Variants in FGF7 observed in about 807,000 individuals in gnomAD.
FGF7 encodes the protein fibroblast growth factor 7, also known as FGF-7.
Under a neutral mutation model 20.5 loss-of-function variants are expected in FGF7, and 6 were observed. The ratio of observed to expected loss-of-function variants is 0.29; its 90% confidence interval spans 0.16 to 0.58. The LOEUF is 0.58. FGF7 is among the 20% of genes least tolerant of loss of function. The pLI is 0.90. For synonymous variants in FGF7, 64 were observed against 74.7 expected (o/e 0.86, Z 0.74); for missense variants, 144 against 228.8 (o/e 0.63, Z 2.39).
intron 2 of FGF7, among the ~76,000 whole-genome samples, chr15:49,478,847 A>T (rs1338188274): frequency 6.6e-6 from 1 of 152,184 alleles, no homozygotes; most frequent in Non-Finnish European, 1.5e-5. Flanking sequence ...CAAATAGGAA[A>T]GTTAAAGCAC....
chr15:49,451,995 A>G (rs1327648743), intron 2 of FGF7, among the ~76,000 whole-genome samples: 2 of 152,106 alleles, frequency 1.3e-5, no homozygotes, highest in Non-Finnish European at 2.9e-5. Flanking sequence ...TCAATATGAT[A>G]TCTTATATCA....
intron 2 of FGF7, among the ~76,000 whole-genome samples, chr15:49,478,988 C>A (rs909346315): frequency 6.6e-6 from 1 of 152,062 alleles, no homozygotes; most frequent in Non-Finnish European, 1.5e-5. Context: ...CAATTTAGAT[C>A]AAAGTTTCCC....
At chr15:49,479,707 A>G (rs1016287940) in intron 2 of FGF7, among the ~76,000 whole-genome samples, 7 of 139,544 alleles carry the variant, frequency 5.0e-5, no homozygotes, top group Admixed American at 4.8e-4. Flanking sequence ...TCCGCCTCCC[A>G]GGTTCAAATG....
intron 2 of FGF7, among the ~76,000 whole-genome samples, chr15:49,470,974 CA>C (rs2054687302): frequency 1.3e-5 from 2 of 152,158 alleles, no homozygotes; most frequent in Non-Finnish European, 2.9e-5. Context: ...GTGTTTGTTC[CA>C]CATCTTGTGC....
chr15:49,435,744 T>G (rs1033883488), intron 2 of FGF7, among the ~76,000 whole-genome samples: 5 of 151,466 alleles, frequency 3.3e-5, no homozygotes, highest in Admixed American at 3.3e-4. Flanking sequence ...AATTTAAAAT[T>G]TATGATGTTT....
chr15:49,426,857 A>G (rs2050174973), intron 2 of FGF7, among the ~76,000 whole-genome samples: 1 of 151,990 alleles, frequency 6.6e-6, no homozygotes, highest in Non-Finnish European at 1.5e-5. Context: ...TATATGGTAT[A>G]CTTTCTTGAT....
At chr15:49,450,632 A>AAG (rs1168360480) in intron 2 of FGF7, among the ~76,000 whole-genome samples, 1 of 152,186 alleles carries the variant, frequency 6.6e-6, no homozygotes, top group Non-Finnish European at 1.5e-5. Flanking sequence ...TGCAGCCAGC[A>AAG]AGAGTCTGGA....
At chr15:49,429,845 C>T (rs2050439628) in intron 2 of FGF7, among the ~76,000 whole-genome samples, 2 of 151,846 alleles carry the variant, frequency 1.3e-5, no homozygotes, top group South Asian at 4.1e-4. Context: ...GTCAGAATCT[C>T]ACAAAGGTGG....
At chr15:49,466,844 C>T (rs1202760258) in intron 2 of FGF7, among the ~76,000 whole-genome samples, 1 of 152,042 alleles carries the variant, frequency 6.6e-6, no homozygotes, top group Admixed American at 6.6e-5. Context: ...TTATTTCTGC[C>T]TCTTTTTCCT....
chr15:49,432,352 G>A (rs1449425830), intron 2 of FGF7, among the ~76,000 whole-genome samples: 1 of 151,560 alleles, frequency 6.6e-6, no homozygotes, highest in Non-Finnish European at 1.5e-5. Flanking sequence ...TAACTAACCT[G>A]CTGAGAAATA....
intron 2 of FGF7, among the ~76,000 whole-genome samples, chr15:49,432,485 A>G (rs1350112414): frequency 4.6e-5 from 7 of 151,700 alleles, no homozygotes; most frequent in African/African-American, 1.7e-4. Context: ...TTATTTGACA[A>G]CATAACACTC....
At position 49,487,623 on chromosome 15, in the gene FGF7, A is replaced by G. The variant is rs1422071668; in HGVS notation, c.*3119A>G. 1 of 151,906 alleles carries G rather than the reference A, an allele frequency of 6.6e-6. No homozygotes were observed. The highest frequency in any genetic ancestry group is 1.5e-5 in the Non-Finnish European group (1 of 67,896). The allele number at this position is 151,906 out of a possible 1,614,324, so 9.4% of individuals were successfully genotyped here. On this transcript the variant is annotated 3_prime_UTR_variant, in exon 4 of 4. Coordinates refer to ENST00000267843, the MANE Select transcript of FGF7 (RefSeq NM_002009.4). ...ACCTAGCTGTAGTAAAAGCAATCCT[A>G]TAACAAGAAAAACTCTAAAACAGTG...
chr15:49,457,882 C>A (rs77995451), intron 2 of FGF7, among the ~76,000 whole-genome samples: 1 of 151,848 alleles, frequency 6.6e-6, no homozygotes, highest in Non-Finnish European at 1.5e-5. Flanking sequence ...TGAATCTAAT[C>A]ATTTTTGTGC....
intron 2 of FGF7, among the ~76,000 whole-genome samples, chr15:49,460,589 C>CATA (rs2053704254): frequency 6.6e-6 from 1 of 152,082 alleles, no homozygotes; most frequent in African/African-American, 2.4e-5. Flanking sequence ...GAGTACTGGC[C>CATA]AATCCCAAAA....
intron 2 of FGF7, among the ~76,000 whole-genome samples, chr15:49,442,583 C>G (rs1449270032): frequency 6.6e-6 from 1 of 151,666 alleles, no homozygotes; most frequent in Non-Finnish European, 1.5e-5. Context: ...TTTCCTTATC[C>G]CTCACTCCCA....
chr15:49,461,936 G>A (rs373601497), intron 2 of FGF7, among the ~76,000 whole-genome samples: 62 of 152,270 alleles, frequency 4.1e-4, no homozygotes, highest in African/African-American at 1.4e-3. Context: ...TTGGGAGGCC[G>A]AAGCAGGCAG....
At chr15:49,423,495 A>C (rs1163864264) in intron 1 of FGF7, 55 bp downstream of exon 1, 1 of 152,266 alleles carries the variant, frequency 6.6e-6, no homozygotes, top group East Asian at 1.9e-4. Context: ...CTAAAAGTTT[A>C]TCTCTTTTTC....
chr15:49,454,920 T>G (rs976975838), intron 2 of FGF7, among the ~76,000 whole-genome samples: 20 of 152,282 alleles, frequency 1.3e-4, no homozygotes, highest in African/African-American at 4.6e-4. Flanking sequence ...TAATATATTC[T>G]TAAAGCACTC....
intron 2 of FGF7, among the ~76,000 whole-genome samples, chr15:49,434,089 G>A (rs959332950): frequency 6.6e-6 from 1 of 151,382 alleles, no homozygotes. Flanking sequence ...CTCTCAATTC[G>A]TTTTAGTGCC....
Sources: allele counts gnomAD v4.1 joint callset (sites outside exome capture counted in the v4.1 genomes callset), GRCh38; gene constraint gnomAD v4.1.1; transcripts MANE v1.5; gene names NCBI Gene and HGNC (gene_info 2026-07-23, HGNC 2026-07-21).